ARHGAP21: variants seen among roughly 807,000 people sequenced by gnomAD.
ARHGAP21 encodes Rho GTPase activating protein 21.
ARHGAP21 carries 38 observed loss-of-function variants against 164.6 expected under a neutral mutation model. That is an observed-to-expected ratio of 0.23 (90% CI 0.18 to 0.30). The LOEUF (loss-of-function observed/expected upper bound fraction) is 0.30. Ranked by LOEUF, ARHGAP21 falls within the 10% of genes least tolerant of loss-of-function variation. ARHGAP21 has a pLI of 1.00. For missense variants in ARHGAP21, 1,822 were observed against 2,370.7 expected (o/e 0.77, Z 4.81); for synonymous variants, 766 against 857.9 (o/e 0.89, Z 1.87).
At chr10:24,692,072 G>A (rs886149447) in intron 2 of ARHGAP21, among the ~76,000 whole-genome samples, 2 of 152,312 alleles carry the variant, frequency 1.3e-5, no homozygotes, top group Non-Finnish European at 2.9e-5. Context: ...CAGTAACACT[G>A]CTTTACTAAT....
intron 2 of ARHGAP21, among the ~76,000 whole-genome samples, chr10:24,671,174 C>G (rs1438753143): frequency 6.6e-6 from 1 of 152,158 alleles, no homozygotes; most frequent in Non-Finnish European, 1.5e-5. Context: ...TCTCCCACTT[C>G]CTCAAAGTTG....
chr10:24,676,281 C>G (rs7918319), intron 2 of ARHGAP21, among the ~76,000 whole-genome samples: 118,117 of 152,242 alleles, frequency 0.78, 45,883 homozygotes, highest in Middle Eastern at 0.83. Context: ...GAGTCTATCT[C>G]TTTTTTGCCA....
At chr10:24,688,611 A>C (rs545952040) in intron 2 of ARHGAP21, among the ~76,000 whole-genome samples, 1 of 152,318 alleles carries the variant, frequency 6.6e-6, no homozygotes, top group Middle Eastern at 3.4e-3. Flanking sequence ...ATGGTTTTTC[A>C]CATGTGTAAA....
At chr10:24,677,399 T>G (rs1186865205) in intron 2 of ARHGAP21, among the ~76,000 whole-genome samples, 2 of 152,206 alleles carry the variant, frequency 1.3e-5, no homozygotes, top group Admixed American at 6.5e-5. Flanking sequence ...AAAACTGGGC[T>G]AGCAATCAAT....
intron 4 of ARHGAP21, among the ~76,000 whole-genome samples, chr10:24,653,586 T>A (rs1454806488): frequency 3.3e-5 from 5 of 150,444 alleles, no homozygotes; most frequent in East Asian, 1.9e-4. Flanking sequence ...AAAAAAAAAA[T>A]TAAAAAAAAA....
At chr10:24,618,307 G>A (rs958743266) in intron 9 of ARHGAP21, among the ~76,000 whole-genome samples, 20 of 152,052 alleles carry the variant, frequency 1.3e-4, no homozygotes, top group African/African-American at 3.9e-4. Flanking sequence ...TAGGCATTAG[G>A]GACACAAAAG....
At chr10:24,663,795 C>T (rs1166458054) in intron 4 of ARHGAP21, among the ~76,000 whole-genome samples, 2 of 152,206 alleles carry the variant, frequency 1.3e-5, no homozygotes, top group Non-Finnish European at 2.9e-5. Flanking sequence ...TTCCAAAGTG[C>T]TGGGGTTACA....
chr10:24,595,096 A>C, intron 20 of ARHGAP21, 21 bp downstream of exon 20: 1 of 1,607,340 alleles, frequency 6.2e-7, no homozygotes, highest in Non-Finnish European at 8.5e-7. Context: ...TGTATCCCCC[A>C]AAATATAAAA....
In ARHGAP21 at chr10:24,584,059, G is replaced by A. The variant is rs1002871978; in HGVS notation, c.*353C>T. On this transcript the variant is annotated 3_prime_UTR_variant, in exon 26 of 26. Coordinates refer to ENST00000396432, the MANE Select transcript of ARHGAP21 (RefSeq NM_020824.4). ...CAATATGGCACCCTAAAAACCAACTGTATTTTTATGATGAGGCACTTTTGT... is the reference window on the plus strand; with the variant it reads ...CAATATGGCACCCTAAAAACCAACTATATTTTTATGATGAGGCACTTTTGT... The A allele has an allele frequency of 1.3e-5, 2 of 153,584 alleles. No individual in the cohort carries two copies. The highest frequency in any genetic ancestry group is 2.1e-4 in the South Asian group (1 of 4,840). 9.5% of individuals were successfully genotyped at this position (153,584 alleles called of 1,614,324 possible). A position where few individuals can be genotyped will look rare whatever the true frequency, so the allele number is the denominator to read the frequency against.
chr10:24,604,242 C>T (rs2076932405), intron 12 of ARHGAP21, 70 bp downstream of exon 12: 3 of 1,028,590 alleles, frequency 2.9e-6, no homozygotes, highest in Non-Finnish European at 4.2e-6. Flanking sequence ...TATTAAATGT[C>T]TACTGGGTAA....
At chr10:24,714,729 C>A (rs990678156) in intron 2 of ARHGAP21, among the ~76,000 whole-genome samples, 6 of 152,100 alleles carry the variant, frequency 3.9e-5, no homozygotes, top group Non-Finnish European at 8.8e-5. Context: ...AATGAAGAAA[C>A]TTGCTTTTTA....
chr10:24,640,337 G>C (rs1219734838), intron 4 of ARHGAP21: 1 of 151,394 alleles, frequency 6.6e-6, no homozygotes, highest in Non-Finnish European at 1.5e-5. Context: ...GGTTATAACT[G>C]AGATTGAGCT....
At chr10:24,664,195 A>T (rs1430045253) in intron 4 of ARHGAP21, among the ~76,000 whole-genome samples, 6 of 152,158 alleles carry the variant, frequency 3.9e-5, no homozygotes, top group Admixed American at 3.9e-4. Context: ...TCCTTAACTG[A>T]TCATATTCTC....
intron 6 of ARHGAP21, 22 bp from the exon 7 acceptor site, chr10:24,630,072 T>C (rs1835706010): frequency 7.2e-7 from 1 of 1,381,250 alleles, no homozygotes; most frequent in African/African-American, 1.5e-5. Flanking sequence ...TTATATACTA[T>C]TTTAGGAGAG....
intron 4 of ARHGAP21, among the ~76,000 whole-genome samples, chr10:24,650,457 G>A (rs1431283388): frequency 2.0e-5 from 3 of 152,190 alleles, no homozygotes; most frequent in Non-Finnish European, 4.4e-5. Context: ...AGAATTTTAA[G>A]TAGCATCAGA....
At chr10:24,622,888 AAG>A (rs1834722294) in intron 7 of ARHGAP21, 126 bp from the exon 8 acceptor site, 1 of 817,396 alleles carries the variant, frequency 1.2e-6, no homozygotes, top group Admixed American at 3.0e-5. Flanking sequence ...GGAAGGTACC[AAG>A]AGAGGTAAAG....
At chr10:24,618,898 A>T (rs1316151162) in intron 9 of ARHGAP21, among the ~76,000 whole-genome samples, 3 of 152,150 alleles carry the variant, frequency 2.0e-5, no homozygotes, top group Non-Finnish European at 4.4e-5. Context: ...TGGAGAACAG[A>T]TCTGGGGTGG....
chr10:24,697,959 G>C (rs1843323712), intron 2 of ARHGAP21, among the ~76,000 whole-genome samples: 2 of 152,094 alleles, frequency 1.3e-5, no homozygotes. Context: ...TACTGCATTT[G>C]GGGGGGAAAT....
intron 4 of ARHGAP21, among the ~76,000 whole-genome samples, chr10:24,642,191 C>G (rs1837105086): frequency 6.6e-6 from 1 of 151,916 alleles, no homozygotes; most frequent in African/African-American, 2.4e-5. Context: ...TTAAATATAT[C>G]CATACACACC....
Sources: allele counts gnomAD v4.1 joint callset (sites outside exome capture counted in the v4.1 genomes callset), GRCh38; gene constraint gnomAD v4.1.1; transcripts MANE v1.5; gene names NCBI Gene and HGNC (gene_info 2026-07-23, HGNC 2026-07-21).